The following ITGA9 variants were observed in gnomAD, a reference collection of about 807,000 sequenced individuals.
ITGA9 encodes integrin subunit alpha 9, also known as integrin alpha-9.
In ITGA9, 56 loss-of-function variants were observed where a neutral mutation model predicts 127.8. The observed-to-expected ratio is 0.44, with a 90% CI of 0.35 to 0.55. ITGA9 has a LOEUF of 0.55. Among genes scored for constraint, ITGA9 ranks in the 20% least tolerant of loss-of-function variants. The probability of loss-of-function intolerance (pLI) is 0.00; values close to 1 mark genes in which losing one functional copy is unlikely to be tolerated. For missense variants in ITGA9, 1,196 were observed against 1,347.1 expected, an observed-to-expected ratio of 0.89 and a Z score of 1.76; for synonymous variants, 508 against 514.5, an observed-to-expected ratio of 0.99 and a Z score of 0.17.
At chr3:37,515,585 C>A (rs546503823) in intron 9 of ITGA9, among the ~76,000 whole-genome samples, 11 of 152,044 alleles carry the variant, frequency 7.2e-5, no homozygotes, top group South Asian at 2.1e-4. Flanking sequence ...TAAAAACACA[C>A]AAAAAAATTA....
chr3:37,546,838 G>A (rs141489174), intron 15 of ITGA9, among the ~76,000 whole-genome samples: 27 of 152,296 alleles, frequency 1.8e-4, no homozygotes, highest in African/African-American at 6.3e-4. Flanking sequence ...ATAAATGCAG[G>A]TGTCCTGTTG....
intron 16 of ITGA9, among the ~76,000 whole-genome samples, chr3:37,649,245 A>G (rs962954605): frequency 1.3e-5 from 2 of 152,192 alleles, no homozygotes; most frequent in African/African-American, 4.8e-5. Context: ...CTTTAAATGT[A>G]AAAAGACTAA....
Position 37,750,457 on chromosome 3 carries a change from C to T in ITGA9, c.2434-5C>T, listed in dbSNP as rs1421544653. 1.3e-6 allele frequency: 2 copies of T among 1,571,050 alleles called. No homozygotes were observed. The highest frequency in any genetic ancestry group is 1.7e-5 in the Admixed American group (1 of 59,984). On this transcript the variant is annotated splice_polypyrimidine_tract_variant and splice_region_variant and intron_variant, in intron 22 of 27. Transcript: ENST00000264741. The stretch of plus-strand genomic sequence containing the variant: ...AGACTTGCTGTGTGTGTTCCACACC[C>T]ACAGGTCTACAACACTGGCCCAAGC...
intron 17 of ITGA9, among the ~76,000 whole-genome samples, chr3:37,669,963 TAC>T (rs1700621760): frequency 6.6e-6 from 1 of 152,184 alleles, no homozygotes; most frequent in African/African-American, 2.4e-5. Context: ...GATGTTCAGT[TAC>T]AGTCATAAGC....
chr3:37,464,944 G>C (rs1004314372), intron 1 of ITGA9, among the ~76,000 whole-genome samples: 7 of 152,176 alleles, frequency 4.6e-5, no homozygotes, highest in Admixed American at 4.6e-4. Flanking sequence ...TGCCCAGTAA[G>C]GGATGCGGAC....
chr3:37,531,824 A>C (rs1390251974), intron 13 of ITGA9, among the ~76,000 whole-genome samples: 1 of 152,180 alleles, frequency 6.6e-6, no homozygotes, highest in Non-Finnish European at 1.5e-5. Context: ...GTGCTGCAGG[A>C]TGGTGGGGCA....
At chr3:37,560,473 G>A (rs954130025) in intron 15 of ITGA9, among the ~76,000 whole-genome samples, 1 of 152,190 alleles carries the variant, frequency 6.6e-6, no homozygotes, top group Admixed American at 6.5e-5. Flanking sequence ...ACCCAGTAAT[G>A]GGATTGCTGG....
chr3:37,505,994 G>A lies in ITGA9; in HGVS notation c.743-6G>A, dbSNP rs1374563406. 1.3e-6 allele frequency: 2 copies of A among 1,598,090 alleles called. No homozygotes were observed. The highest frequency in any genetic ancestry group is 1.1e-5 in the South Asian group (1 of 88,044). On this transcript the variant is annotated splice_region_variant and splice_polypyrimidine_tract_variant and intron_variant, in intron 6 of 27. Coordinates refer to ENST00000264741, the MANE Select transcript of ITGA9 (RefSeq NM_002207.3). ...CGTGTGCTTGGTTTCCGCCCATCCTGTTCAGGCTACGCAGTGACCGCTGGC... is the reference window on the plus strand; with the variant it reads ...CGTGTGCTTGGTTTCCGCCCATCCTATTCAGGCTACGCAGTGACCGCTGGC...
At chr3:37,721,339 C>T (rs1701188465) in intron 18 of ITGA9, among the ~76,000 whole-genome samples, 1 of 152,086 alleles carries the variant, frequency 6.6e-6, no homozygotes. Flanking sequence ...TGGCCTTGAA[C>T]TCCTGGCCTC....
chr3:37,497,919 CTGGTAGGAGGCCGTGATG>C (rs1579065864), intron 5 of ITGA9, among the ~76,000 whole-genome samples: 3 of 152,274 alleles, frequency 2.0e-5, no homozygotes, highest in East Asian at 1.9e-4. Context: ...GAAGGGAGGC[CTGGTAGGAGGCCGTGATG>C]TGGTAGGAGG....
At position 37,812,698 on chromosome 3, in the gene ITGA9, C is replaced by G. The variant is rs1697383133; in HGVS notation, c.3010-6193C>G. ...AGAAAGCACACTGTTCCTTCGGCTT[C>G]CAGCCAAGCAAAGCTTGGCTTGAGT... On this transcript the variant is annotated intron_variant, in intron 27 of 27. Coordinates refer to ENST00000264741, the MANE Select transcript of ITGA9 (RefSeq NM_002207.3). 2.0e-5 allele frequency among the ~76,000 whole-genome samples: 3 copies of G among 152,372 alleles called. No homozygotes were observed. In the South Asian group the frequency reaches 6.2e-4, roughly 32 times the overall value.
At chr3:37,559,114 T>C (rs906838278) in intron 15 of ITGA9, among the ~76,000 whole-genome samples, 1 of 152,242 alleles carries the variant, frequency 6.6e-6, no homozygotes, top group Non-Finnish European at 1.5e-5. Flanking sequence ...ATTTCTCAAA[T>C]AAATGATGGA....
intron 15 of ITGA9, among the ~76,000 whole-genome samples, chr3:37,555,196 G>T (rs889934352): frequency 5.3e-5 from 8 of 152,204 alleles, no homozygotes; most frequent in African/African-American, 1.7e-4. Flanking sequence ...CCCCTGTAAA[G>T]AGCCTCCAGT....
In ITGA9 at chr3:37,499,385, A is replaced by G. The variant is rs112862078; in HGVS notation, c.613-3793A>G. Among the ~76,000 whole-genome samples the G allele has an allele frequency of 6.2e-4, 94 of 152,342 alleles. 1 individual carries two copies. Among genetic ancestry groups the G allele is most frequent in the Admixed American group, 2.1e-3 (32 of 15,304 alleles). On this transcript the variant is annotated intron_variant, in intron 5 of 27. Transcript: ENST00000264741. ...TATATGGCTTCTCCCAGGCCCACCTACATACCCCGGTTCCTCTAGGTGTTC... is the reference window on the plus strand; with the variant it reads ...TATATGGCTTCTCCCAGGCCCACCTGCATACCCCGGTTCCTCTAGGTGTTC...
intron 15 of ITGA9, among the ~76,000 whole-genome samples, chr3:37,563,627 CCTAA>C (rs1261618478): frequency 6.6e-6 from 1 of 152,334 alleles, no homozygotes; most frequent in East Asian, 1.9e-4. Flanking sequence ...TCTTGGGTCA[CCTAA>C]CTATTAATTC....
At chr3:37,510,486 T>C (rs1218408503) in intron 8 of ITGA9, among the ~76,000 whole-genome samples, 1 of 152,168 alleles carries the variant, frequency 6.6e-6, no homozygotes, top group Non-Finnish European at 1.5e-5. Context: ...CTCTCCTCCT[T>C]GAAAACCTCT....
chr3:37,697,977 C>T (rs1485662489), intron 18 of ITGA9, among the ~76,000 whole-genome samples: 2 of 152,302 alleles, frequency 1.3e-5, no homozygotes, highest in South Asian at 2.1e-4. Context: ...CCTATTTCTC[C>T]ACATCCTCTC....
At chr3:37,793,228 C>T (rs928267211) in intron 26 of ITGA9, among the ~76,000 whole-genome samples, 6 of 152,172 alleles carry the variant, frequency 3.9e-5, no homozygotes, top group African/African-American at 1.4e-4. Flanking sequence ...TACCCCCTCA[C>T]TGGACCCGTG....
intron 16 of ITGA9, among the ~76,000 whole-genome samples, chr3:37,645,156 G>A (rs563490732): frequency 1.1e-3 from 161 of 152,270 alleles, no homozygotes; most frequent in African/African-American, 3.5e-3. Flanking sequence ...TAGGGCCTCT[G>A]GAAACTTGTG....
Sources: allele counts gnomAD v4.1 joint callset (sites outside exome capture counted in the v4.1 genomes callset), GRCh38; gene constraint gnomAD v4.1.1; transcripts MANE v1.5; gene names NCBI Gene and HGNC (gene_info 2026-07-23, HGNC 2026-07-21).